The following CELF2 variants were observed in gnomAD, a reference collection of about 807,000 sequenced individuals.
CELF2 encodes the protein CUG triplet repeat RNA-binding protein 2.
A neutral mutation model predicts 62.6 loss-of-function variants in CELF2; 8 were observed. That is an observed-to-expected ratio of 0.13 (90% CI 0.07 to 0.23). The LOEUF (loss-of-function observed/expected upper bound fraction) is 0.23. Ranked by LOEUF, CELF2 falls within the 10% of genes least tolerant of loss-of-function variation. The pLI is 1.00. For synonymous variants in CELF2, 258 were observed against 250.0 expected, an observed-to-expected ratio of 1.03 and a Z score of -0.30; for missense variants, 333 against 671.0, an observed-to-expected ratio of 0.50 and a Z score of 5.56.
At chr10:11,055,532 G>T (rs996295855) in intron 1 of CELF2, among the ~76,000 whole-genome samples, 1 of 152,228 alleles carries the variant, frequency 6.6e-6, no homozygotes, top group African/African-American at 2.4e-5. Flanking sequence ...CCTCATCCCT[G>T]TGCCCTCATG....
chr10:11,079,741 G>GGC (rs1554822737), intron 1 of CELF2, among the ~76,000 whole-genome samples: 2 of 110,744 alleles, frequency 1.8e-5, no homozygotes, highest in African/African-American at 7.9e-5. Context: ...GACTAATACA[G>GGC]CCCCCCCCCC....
At chr10:10,559,626 A>G in the CELF2 span, among the ~76,000 whole-genome samples, 13 of 152,242 alleles carry the variant, frequency 8.5e-5, no homozygotes, top group Admixed American at 6.5e-5. Flanking sequence ...TGAAACAGAC[A>G]GAAGGAAAGA....
In CELF2 at chr10:11,275,023, C is replaced by CATCTCCACTTT. The variant is rs755699093; in HGVS notation, c.778-34_778-33insATCTCCACTTT. 65 of 1,606,754 alleles carry CATCTCCACTTT rather than the reference C, an allele frequency of 4.0e-5. No individual in the cohort carries two copies. In the African/African-American group the frequency reaches 7.8e-4, roughly 19 times the overall value. ...AATGAGGGAGTTACTTTGCTCTCAC[C>CATCTCCACTTT]GTCTCCACTTTGCCCTTGTGTGTTC... On this transcript the variant is annotated intron_variant, in intron 7 of 12. Transcript: ENST00000633077.
the CELF2 span, among the ~76,000 whole-genome samples, chr10:10,572,013 G>A: frequency 1.3e-5 from 2 of 152,114 alleles, no homozygotes; most frequent in African/African-American, 4.8e-5. Flanking sequence ...GTGGGGCAGA[G>A]CATGTTGTAA....
intron 1 of CELF2, among the ~76,000 whole-genome samples, chr10:11,048,276 A>G (rs998981826): frequency 1.3e-5 from 2 of 152,244 alleles, no homozygotes; most frequent in Admixed American, 1.3e-4. Context: ...GACAATAGAA[A>G]AGTTGACCTT....
the CELF2 span, among the ~76,000 whole-genome samples, chr10:10,556,368 T>G: frequency 0.011 from 1,718 of 152,242 alleles, 30 homozygotes; most frequent in African/African-American, 0.038. Context: ...GAACTCATCA[T>G]TTTTTATGGC....
In CELF2 at chr10:11,319,263, G is replaced by C; in HGVS notation, c.1097-1926G>C. 2.7e-6 allele frequency: 1 copy of C among 374,456 alleles called. No homozygotes were observed. Among genetic ancestry groups the C allele is most frequent in the Non-Finnish European group, 5.4e-6 (1 of 184,374 alleles). The allele number at this position is 374,456 out of a possible 1,614,324, so 23.2% of individuals were successfully genotyped here. A position where few individuals can be genotyped will look rare whatever the true frequency, so the allele number is the denominator to read the frequency against. On this transcript the variant is annotated intron_variant, in intron 10 of 12. Transcript: ENST00000633077. The surrounding 1 kb of genome is among the most constrained non-coding windows in gnomAD (Gnocchi z 4.4). ...ATCAGCAGCGTCCAGCCCTTCCCGAGTTATTGTACATACCCCTCTCACCTA... is the reference window on the plus strand; with the variant it reads ...ATCAGCAGCGTCCAGCCCTTCCCGACTTATTGTACATACCCCTCTCACCTA...
Position 11,260,652 on chromosome 10 carries a change from T to G in CELF2, c.538+2780T>G, listed in dbSNP as rs1438461145. On this transcript the variant is annotated intron_variant, in intron 5 of 12. Transcript: ENST00000633077. This position sits in a 1 kb window ranked among gnomAD's most constrained non-coding sequence, Gnocchi z 4.2. The stretch of plus-strand genomic sequence containing the variant: ...GAAAACTTTTCCCTCCCCATCTGTT[T>G]TTTTTTTTTTTAAACAGCAGAAAAG... 2.0e-5 allele frequency among the ~76,000 whole-genome samples: 3 copies of G among 151,502 alleles called. No individual in the cohort carries two copies. The highest frequency in any genetic ancestry group is 3.8e-4 in the East Asian group (2 of 5,198).
chr10:11,165,346 A>G lies in CELF2; in HGVS notation c.75-140A>G. On this transcript the variant is annotated intron_variant, in intron 1 of 12. Coordinates refer to ENST00000633077, the MANE Select transcript of CELF2 (RefSeq NM_001326342.2). The surrounding 1 kb of genome is among the most constrained non-coding windows in gnomAD (Gnocchi z 7.4). Reference sequence around the variant, plus strand: ...CCTCCGCTTTGTTTTAGTTCATCAAATTTCTACGACTCATTAGGCACTTTG... The same window carrying G: ...CCTCCGCTTTGTTTTAGTTCATCAAGTTTCTACGACTCATTAGGCACTTTG... The G allele has an allele frequency of 6.8e-7, 1 of 1,465,830 alleles. No individual in the cohort carries two copies. The highest frequency in any genetic ancestry group is 9.0e-7 in the Non-Finnish European group (1 of 1,113,582). 90.8% of individuals were successfully genotyped at this position (1,465,830 alleles called of 1,614,324 possible). A position where few individuals can be genotyped will look rare whatever the true frequency, so the allele number is the denominator to read the frequency against.
intron 1 of CELF2, among the ~76,000 whole-genome samples, chr10:10,810,846 G>C (rs1399100507): frequency 6.6e-6 from 1 of 152,218 alleles, no homozygotes; most frequent in East Asian, 1.9e-4. Flanking sequence ...GGGGCTTTCA[G>C]ATGGCTGAGA....
In CELF2 at chr10:11,311,300, T is replaced by C. The variant is rs979290051; in HGVS notation, c.977-2839T>C. On this transcript the variant is annotated intron_variant, in intron 9 of 12. Coordinates refer to ENST00000633077, the MANE Select transcript of CELF2 (RefSeq NM_001326342.2). The surrounding 1 kb of genome is among the most constrained non-coding windows in gnomAD (Gnocchi z 4.7). ...CTGAGTGGCCAAAAATCCTAAGCCA[T>C]GAAGTTAAAGTATCCCCAGCTTGTA... is the stretch of plus-strand genomic sequence containing the variant. Among the ~76,000 whole-genome samples, 4 of 152,186 alleles carry C rather than the reference T, an allele frequency of 2.6e-5. No individual in the cohort carries two copies. Among genetic ancestry groups the C allele is most frequent in the African/African-American group, 9.7e-5 (4 of 41,440 alleles).
At chr10:10,732,566 C>G in the CELF2 span, among the ~76,000 whole-genome samples, 1 of 148,600 alleles carries the variant, frequency 6.7e-6, no homozygotes, top group African/African-American at 2.5e-5. Flanking sequence ...CTCTGTTGCC[C>G]AGGCTGGAGT....
intron 1 of CELF2, among the ~76,000 whole-genome samples, chr10:11,099,889 A>C (rs796631900): frequency 0.011 from 1,010 of 93,590 alleles, 18 homozygotes; most frequent in Middle Eastern, 0.032. Context: ...AACAACAAAA[A>C]AAAAAAAAAA....
At chr10:11,092,918 A>G (rs1382619513) in intron 1 of CELF2, among the ~76,000 whole-genome samples, 4 of 152,106 alleles carry the variant, frequency 2.6e-5, no homozygotes, top group Admixed American at 2.6e-4. Flanking sequence ...TTACTTTATC[A>G]CCTCTAAATT....
intron 1 of CELF2, among the ~76,000 whole-genome samples, chr10:11,066,398 A>G (rs1241747211): frequency 6.6e-6 from 1 of 152,094 alleles, no homozygotes; most frequent in Non-Finnish European, 1.5e-5. Context: ...TTCAAACAGT[A>G]CATGTCATCA....
At chr10:11,097,013 C>G (rs1448599378) in intron 1 of CELF2, among the ~76,000 whole-genome samples, 2 of 152,166 alleles carry the variant, frequency 1.3e-5, no homozygotes, top group Non-Finnish European at 2.9e-5. Flanking sequence ...GAGTTAAAAA[C>G]AATAGGAAAC....
At position 11,269,511 on chromosome 10, in the gene CELF2, G is replaced by GGAGA. The variant is rs200878151; in HGVS notation, c.619-1145_619-1142dup. Among the ~76,000 whole-genome samples the GGAGA allele has an allele frequency of 6.6e-6, 1 of 151,978 alleles. No individual in the cohort carries two copies. Among genetic ancestry groups the GGAGA allele is most frequent in the Non-Finnish European group, 1.5e-5 (1 of 67,986 alleles). ...AAATAGGAATATAACATTTCTGAGAGGAGAGAGAGAGAGGTCTATTATCAT... is the reference window on the plus strand; with the variant it reads ...AAATAGGAATATAACATTTCTGAGAGGAGAGAGAGAGAGAGAGGTCTATTATCAT... On this transcript the variant is annotated intron_variant, in intron 6 of 12. Coordinates refer to ENST00000633077, the MANE Select transcript of CELF2 (RefSeq NM_001326342.2). The surrounding 1 kb of genome is among the most constrained non-coding windows in gnomAD (Gnocchi z 4.4).
the CELF2 span, among the ~76,000 whole-genome samples, chr10:10,535,343 G>C: frequency 1.3e-5 from 2 of 152,206 alleles, no homozygotes; most frequent in Non-Finnish European, 2.9e-5. Flanking sequence ...GCTGTGATTG[G>C]CTTGTTGGGA....
chr10:10,607,611 A>G, the CELF2 span, among the ~76,000 whole-genome samples: 40 of 152,218 alleles, frequency 2.6e-4, no homozygotes. Flanking sequence ...GAACAAGGTC[A>G]TTAGGTAAAT....
Sources: gnomAD v4.1 joint callset for allele counts (sites outside exome capture counted in the v4.1 genomes callset) on GRCh38, gnomAD v4.1.1 for gene constraint, Gnocchi (gnomAD v3.1) non-coding constraint, MANE v1.5 for transcripts, NCBI Gene and HGNC (gene_info 2026-07-23, HGNC 2026-07-21) for gene names.